The following PACRG variants were observed in gnomAD, a reference collection of about 807,000 sequenced individuals.
The protein encoded by PACRG is parkin coregulated gene protein.
Under a neutral mutation model 29.7 loss-of-function variants are expected in PACRG, and 29 were observed. The ratio of observed to expected loss-of-function variants is 0.98; its 90% CI spans 0.73 to 1.33. The LOEUF (loss-of-function observed/expected upper bound fraction) is 1.33. PACRG is among the 40% of genes most tolerant of loss of function. PACRG has a pLI of 0.00. For synonymous variants in PACRG, 116 were observed against 118.7 expected, an observed-to-expected ratio of 0.98 and a Z score of 0.15; for missense variants, 279 against 316.2, an observed-to-expected ratio of 0.88 and a Z score of 0.89.
chr6:163,102,015 A>G (rs1011098993), intron 4 of PACRG, among the ~76,000 whole-genome samples: 1 of 152,204 alleles, frequency 6.6e-6, no homozygotes, highest in Non-Finnish European at 1.5e-5. Context: ...GCGGCCACAC[A>G]GTCATTTTCA....
intron 2 of PACRG, among the ~76,000 whole-genome samples, chr6:162,994,301 TG>T (rs1343972815): frequency 6.6e-6 from 1 of 150,688 alleles, no homozygotes; most frequent in Non-Finnish European, 1.5e-5. Flanking sequence ...CTTGCTAGAT[TG>T]GGAAAGTTCT....
chr6:163,197,434 CTTTTTT>C (rs57942658), intron 4 of PACRG, among the ~76,000 whole-genome samples: 21 of 106,240 alleles, frequency 2.0e-4, no homozygotes, highest in African/African-American at 7.3e-4. Context: ...CTTTTCTTTT[CTTTTTT>C]TTTTTTTTTT....
At chr6:163,087,935 C>T (rs1317845162) in intron 3 of PACRG, among the ~76,000 whole-genome samples, 1 of 152,046 alleles carries the variant, frequency 6.6e-6, no homozygotes, top group African/African-American at 2.4e-5. Flanking sequence ...AGAGATACTG[C>T]AAAAGGAAAA....
chr6:163,065,994 C>A (rs550428833), intron 3 of PACRG, among the ~76,000 whole-genome samples: 1 of 152,030 alleles, frequency 6.6e-6, no homozygotes, highest in South Asian at 2.1e-4. Flanking sequence ...ACTATCAGAG[C>A]GACAGGAATA....
At chr6:163,069,448 A>T (rs1811846037) in intron 3 of PACRG, among the ~76,000 whole-genome samples, 2 of 152,168 alleles carry the variant, frequency 1.3e-5, no homozygotes, top group South Asian at 4.1e-4. Flanking sequence ...AGATAAATTT[A>T]ACAAACAGAT....
At chr6:162,794,419 G>C (rs1208317257) in intron 1 of PACRG, among the ~76,000 whole-genome samples, 2 of 151,916 alleles carry the variant, frequency 1.3e-5, no homozygotes, top group Non-Finnish European at 2.9e-5. Flanking sequence ...TTTTTAAATG[G>C]CATCTCTTGA....
intron 2 of PACRG, among the ~76,000 whole-genome samples, chr6:162,849,898 G>A (rs1474406324): frequency 6.6e-6 from 1 of 152,172 alleles, no homozygotes; most frequent in African/African-American, 2.4e-5. Context: ...CTAGTAATGA[G>A]TTAATATATT....
chr6:163,224,378 A>AAAAAAAAAAAAAAAC (rs1781705267), intron 4 of PACRG, among the ~76,000 whole-genome samples: 1 of 140,474 alleles, frequency 7.1e-6, no homozygotes, highest in Non-Finnish European at 1.5e-5. Context: ...CAAAAAAAAA[A>AAAAAAAAAAAAAAAC]AAAAAAAAAA....
At chr6:162,970,151 C>T (rs556870202) in intron 2 of PACRG, among the ~76,000 whole-genome samples, 11 of 152,296 alleles carry the variant, frequency 7.2e-5, no homozygotes, top group African/African-American at 2.4e-4. Context: ...AAATGGGCCT[C>T]GGTTTCTTCA....
intron 4 of PACRG, among the ~76,000 whole-genome samples, chr6:163,134,465 C>T (rs1233404540): frequency 6.6e-6 from 1 of 152,146 alleles, no homozygotes; most frequent in Non-Finnish European, 1.5e-5. Flanking sequence ...GGGCCTCAAG[C>T]AACTTCATGT....
intron 4 of PACRG, among the ~76,000 whole-genome samples, chr6:163,204,900 C>T (rs1161213723): frequency 1.3e-5 from 2 of 152,156 alleles, no homozygotes; most frequent in Non-Finnish European, 2.9e-5. Context: ...TGTACAAAAA[C>T]CACTAGCTTT....
intron 2 of PACRG, among the ~76,000 whole-genome samples, chr6:162,953,686 C>T (rs1799819006): frequency 6.6e-6 from 1 of 151,968 alleles, no homozygotes; most frequent in African/African-American, 2.4e-5. Flanking sequence ...CGCTCTCTCT[C>T]CCTAACCCCC....
intron 2 of PACRG, among the ~76,000 whole-genome samples, chr6:163,045,959 C>G (rs909269724): frequency 1.3e-5 from 2 of 152,086 alleles, no homozygotes; most frequent in Non-Finnish European, 2.9e-5. Context: ...ATACGTTGAT[C>G]TTCCCAGGTC....
At chr6:163,201,723 C>T (rs1562313292) in intron 4 of PACRG, among the ~76,000 whole-genome samples, 1 of 152,246 alleles carries the variant, frequency 6.6e-6, no homozygotes, top group South Asian at 2.1e-4. Flanking sequence ...GGCCTCAGGC[C>T]ACCACCTCAC....
intron 2 of PACRG, among the ~76,000 whole-genome samples, chr6:162,881,475 TAA>T (rs1793834973): frequency 6.6e-6 from 1 of 152,006 alleles, no homozygotes; most frequent in African/African-American, 2.4e-5. Flanking sequence ...AATAAGGTAT[TAA>T]AGTGTGTTTC....
At chr6:163,108,877 C>T (rs1042632059) in intron 4 of PACRG, among the ~76,000 whole-genome samples, 1 of 152,088 alleles carries the variant, frequency 6.6e-6, no homozygotes, top group Non-Finnish European at 1.5e-5. Flanking sequence ...ATGTATTCAT[C>T]AAAATCAATA....
intron 2 of PACRG, among the ~76,000 whole-genome samples, chr6:162,979,101 T>A (rs566450777): frequency 7.9e-5 from 12 of 152,214 alleles, no homozygotes; most frequent in Non-Finnish European, 1.3e-4. Context: ...CCTGTCTTTA[T>A]AATGACCTGC....
rs895309126 is a variant in PACRG, at chr6:162,884,913, T to G, written c.291+70632T>G. On this transcript the variant is annotated intron_variant, in intron 2 of 4. Coordinates refer to ENST00000366888, the MANE Select transcript of PACRG (RefSeq NM_001080379.2). ...ATTAGCATAATATGAACCCAGCCCG[T>G]GTAACGTACTGAAATTGTGCCATGC... Among the ~76,000 whole-genome samples, 3 of 152,174 alleles carry G rather than the reference T, an allele frequency of 2.0e-5. No homozygotes were observed. In the East Asian group the frequency reaches 5.8e-4, roughly 29 times the overall value.
At chr6:162,948,459 G>C (rs546990160) in intron 2 of PACRG, among the ~76,000 whole-genome samples, 5 of 152,038 alleles carry the variant, frequency 3.3e-5, no homozygotes, top group African/African-American at 7.2e-5. Context: ...AAGGGGCAAT[G>C]CTTCAGGAGA....
Sources: gnomAD v4.1 joint callset for allele counts (sites outside exome capture counted in the v4.1 genomes callset) on GRCh38, gnomAD v4.1.1 for gene constraint, MANE v1.5 for transcripts, NCBI Gene and HGNC (gene_info 2026-07-23, HGNC 2026-07-21) for gene names.